The following DNM3 variants were observed in gnomAD, a reference collection of about 807,000 sequenced individuals.
The protein encoded by DNM3 is dynamin-3.
Under a neutral mutation model 101.6 loss-of-function variants are expected in DNM3, and 47 were observed. The ratio of observed to expected loss-of-function variants is 0.46; its 90% confidence interval spans 0.37 to 0.59. The LOEUF is 0.59. Ranked by LOEUF, DNM3 falls within the 20% of genes least tolerant of loss-of-function variation. The pLI, the probability that DNM3 is intolerant of heterozygous loss-of-function variation, is 0.00. For synonymous variants in DNM3, 385 were observed against 387.9 expected (o/e 0.99, Z 0.09); for missense variants, 849 against 1,085.7 (o/e 0.78, Z 3.06).
intron 2 of DNM3, among the ~76,000 whole-genome samples, chr1:171,926,061 G>A (rs2040546286): frequency 6.6e-6 from 1 of 152,100 alleles, no homozygotes; most frequent in South Asian, 2.1e-4. Flanking sequence ...ATTGATCTAT[G>A]TGTCTATTTT....
chr1:172,127,461 T>A (rs1269238978), intron 13 of DNM3, among the ~76,000 whole-genome samples: 2 of 150,658 alleles, frequency 1.3e-5, no homozygotes, highest in African/African-American at 4.9e-5. Flanking sequence ...CAGGCGGGAG[T>A]ACAGTGGTGC....
At chr1:171,922,241 T>C (rs1252418580) in intron 2 of DNM3, among the ~76,000 whole-genome samples, 2 of 152,166 alleles carry the variant, frequency 1.3e-5, no homozygotes, top group African/African-American at 4.8e-5. Context: ...TATGTGCGTA[T>C]CTATATTTAC....
intron 14 of DNM3, among the ~76,000 whole-genome samples, chr1:172,219,469 G>A (rs759821256): frequency 5.3e-5 from 8 of 150,068 alleles, no homozygotes; most frequent in Non-Finnish European, 8.9e-5. Context: ...ATATGAAACA[G>A]TAAAGTGATC....
intron 2 of DNM3, among the ~76,000 whole-genome samples, chr1:171,979,567 G>A (rs971926501): frequency 6.6e-6 from 1 of 152,172 alleles, no homozygotes; most frequent in African/African-American, 2.4e-5. Context: ...ATCAACAGCT[G>A]CTGGATTCTG....
At position 172,412,223 on chromosome 1, in the gene DNM3, A is replaced by AATT; in HGVS notation, c.*4383_*4385dup. 2.0e-6 allele frequency: 2 copies of AATT among 985,444 alleles called. No homozygotes were observed. Among genetic ancestry groups the AATT allele is most frequent in the Non-Finnish European group, 2.4e-6 (2 of 829,802 alleles). The allele number at this position is 985,444 out of a possible 1,614,324, so 61.0% of individuals were successfully genotyped here. ...CAACTCAAGTCATTAATCTCTTTTT[A>AATT]ATTTTTACTCTTGAATTCCTTAAAC... On this transcript the variant is annotated 3_prime_UTR_variant, in exon 21 of 21. Coordinates refer to ENST00000627582, the MANE Select transcript of DNM3 (RefSeq NM_015569.5).
chr1:172,030,460 G>A (rs775847780), intron 4 of DNM3, among the ~76,000 whole-genome samples: 17 of 152,050 alleles, frequency 1.1e-4, no homozygotes, highest in Non-Finnish European at 2.4e-4. Flanking sequence ...AACCATAAAA[G>A]AAAACCCAGG....
intron 4 of DNM3, among the ~76,000 whole-genome samples, chr1:172,012,030 GT>G (rs1009520583): frequency 6.6e-6 from 1 of 151,998 alleles, no homozygotes; most frequent in East Asian, 1.9e-4. Context: ...TGCAACATTT[GT>G]TTCCTTACCA....
chr1:172,262,165 C>T (rs1255588808), intron 15 of DNM3, among the ~76,000 whole-genome samples: 1 of 152,140 alleles, frequency 6.6e-6, no homozygotes, highest in Non-Finnish European at 1.5e-5. Flanking sequence ...GGGCTGGGAA[C>T]ATGGGCTTCA....
At chr1:171,910,190 T>A (rs9425465) in intron 1 of DNM3, among the ~76,000 whole-genome samples, 2 of 152,046 alleles carry the variant, frequency 1.3e-5, no homozygotes, top group African/African-American at 2.4e-5. Context: ...TTCCTTTTCA[T>A]AACACCCTAA....
chr1:172,259,021 G>A (rs2062536607), intron 15 of DNM3, among the ~76,000 whole-genome samples: 1 of 151,162 alleles, frequency 6.6e-6, no homozygotes, highest in Non-Finnish European at 1.5e-5. Flanking sequence ...TGATTCAGGA[G>A]CATATTTTTC....
At chr1:171,973,810 T>G (rs78529021) in intron 2 of DNM3, among the ~76,000 whole-genome samples, 25,110 of 151,762 alleles carry the variant, frequency 0.17, 2,408 homozygotes, top group South Asian at 0.25. Flanking sequence ...TCTACAGGCA[T>G]GTGCCATTAT....
chr1:171,886,805 G>GACTACACTATAA (rs1427254663), intron 1 of DNM3, among the ~76,000 whole-genome samples: 1 of 152,108 alleles, frequency 6.6e-6, no homozygotes, highest in African/African-American at 2.4e-5. Context: ...TTTGATTAAT[G>GACTACACTATAA]ACTACACTAT....
intron 14 of DNM3, among the ~76,000 whole-genome samples, chr1:172,195,139 A>G (rs541965967): frequency 5.3e-5 from 8 of 152,166 alleles, no homozygotes; most frequent in African/African-American, 1.7e-4. Context: ...TTGGCTGGAT[A>G]GGGAATCACA....
At chr1:171,878,122 AT>A (rs67558617) in intron 1 of DNM3, among the ~76,000 whole-genome samples, 64,752 of 151,290 alleles carry the variant, frequency 0.43, 13,931 homozygotes, top group African/African-American at 0.44. Flanking sequence ...ACATGAAATA[AT>A]TTAAGAAAAA....
Position 172,408,031 on chromosome 1 carries a change from ACTG to A in DNM3, c.*193_*195del. 7.0e-7 allele frequency: 1 copy of A among 1,435,056 alleles called. No homozygotes were observed. The highest frequency in any genetic ancestry group is 1.5e-5 in the South Asian group (1 of 67,592). 88.9% of individuals were successfully genotyped at this position (1,435,056 alleles called of 1,614,324 possible). ...CAAACCTTTGGGGTTTGACTCAGAA[ACTG>A]CTAACCTTTTAGAGGCTTTATATGT... On this transcript the variant is annotated 3_prime_UTR_variant, in exon 21 of 21. Transcript: ENST00000627582.
chr1:172,008,299 C>T (rs1470052832), intron 4 of DNM3, among the ~76,000 whole-genome samples: 1 of 151,930 alleles, frequency 6.6e-6, no homozygotes, highest in African/African-American at 2.4e-5. Context: ...CGAAGAGTTT[C>T]TCCTCTGTTT....
At chr1:171,871,652 AT>A (rs1379392095) in intron 1 of DNM3, among the ~76,000 whole-genome samples, 4 of 152,188 alleles carry the variant, frequency 2.6e-5, no homozygotes, top group Non-Finnish European at 4.4e-5. Flanking sequence ...TAGTGACCAT[AT>A]AAGTTACATA....
At chr1:172,209,405 C>A (rs2060434845) in intron 14 of DNM3, among the ~76,000 whole-genome samples, 1 of 151,940 alleles carries the variant, frequency 6.6e-6, no homozygotes, top group African/African-American at 2.4e-5. Context: ...CAAAATAATA[C>A]AGGCACCAAG....
intron 14 of DNM3, among the ~76,000 whole-genome samples, chr1:172,218,617 A>C (rs1413778609): frequency 6.6e-6 from 1 of 152,084 alleles, no homozygotes; most frequent in African/African-American, 2.4e-5. Context: ...TATTACCTTT[A>C]TAAATTCTAA....
Sources: allele counts gnomAD v4.1 joint callset (sites outside exome capture counted in the v4.1 genomes callset), GRCh38; gene constraint gnomAD v4.1.1; transcripts MANE v1.5; gene names NCBI Gene and HGNC (gene_info 2026-07-23, HGNC 2026-07-21).